RAD50: variants seen among roughly 807,000 people sequenced by gnomAD.
RAD50 encodes the protein RAD50 double strand break repair protein.
A neutral mutation model predicts 168.8 loss-of-function variants in RAD50; 132 were observed. That is an observed-to-expected ratio of 0.78 (90% CI 0.68 to 0.90). The LOEUF (loss-of-function observed/expected upper bound fraction) is 0.90, where lower values mean the gene tolerates loss of function less well. Among genes scored for constraint, RAD50 ranks in the 40% least tolerant of loss-of-function variants. RAD50 has a pLI of 0.00. For synonymous variants in RAD50, 525 were observed against 497.4 expected (o/e 1.06, Z -0.74); for missense variants, 1,347 against 1,534.4 (o/e 0.88, Z 2.04).
intron 5 of RAD50, among the ~76,000 whole-genome samples, chr5:132,583,690 C>CTTT (rs35842753): frequency 6.0e-5 from 7 of 117,628 alleles, no homozygotes; most frequent in African/African-American, 1.4e-4. Flanking sequence ...TAATTCATTC[C>CTTT]TTTTTTTTTT....
At chr5:132,585,360 C>T (rs544022827) in intron 5 of RAD50, among the ~76,000 whole-genome samples, 1 of 152,144 alleles carries the variant, frequency 6.6e-6, no homozygotes, top group South Asian at 2.1e-4. Context: ...TCATTTTAGC[C>T]ATAACAGTAG....
At chr5:132,595,873 T>C in intron 13 of RAD50, 63 bp downstream of exon 13, 1 of 1,450,800 alleles carries the variant, frequency 6.9e-7, no homozygotes, top group South Asian at 1.1e-5. Flanking sequence ...ACCCATCTCA[T>C]GCCTGGGCAG....
At chr5:132,561,106 C>T (rs1580977206) in intron 2 of RAD50, among the ~76,000 whole-genome samples, 2 of 152,134 alleles carry the variant, frequency 1.3e-5, no homozygotes, top group African/African-American at 4.8e-5. Flanking sequence ...AAATATATTT[C>T]CTTCTTGGCT....
intron 16 of RAD50, among the ~76,000 whole-genome samples, chr5:132,607,292 A>G (rs1051305363): frequency 2.0e-5 from 3 of 152,178 alleles, no homozygotes; most frequent in African/African-American, 7.2e-5. Context: ...TCCTTTATCT[A>G]TGGCGGTCAC....
chr5:132,587,804 C>T, intron 6 of RAD50, 114 bp downstream of exon 6: 1 of 1,542,808 alleles, frequency 6.5e-7, no homozygotes, highest in Non-Finnish European at 8.9e-7. Context: ...GATCTTGTTA[C>T]TTCTATGTAT....
At chr5:132,625,908 T>TC (rs1393984800) in intron 21 of RAD50, among the ~76,000 whole-genome samples, 1 of 152,124 alleles carries the variant, frequency 6.6e-6, no homozygotes, top group East Asian at 1.9e-4. Context: ...GAACAACTTT[T>TC]TTTTTTTTTT....
intron 2 of RAD50, among the ~76,000 whole-genome samples, chr5:132,562,984 A>G (rs1408425089): frequency 6.6e-6 from 1 of 152,224 alleles, no homozygotes; most frequent in Non-Finnish European, 1.5e-5. Context: ...AGCTCAAGAA[A>G]GAAGAGGAGT....
intron 13 of RAD50, among the ~76,000 whole-genome samples, chr5:132,602,197 T>G (rs1167178243): frequency 6.6e-6 from 1 of 152,206 alleles, no homozygotes; most frequent in Non-Finnish European, 1.5e-5. Flanking sequence ...TGGCATTTCT[T>G]GGTCATAGTT....
chr5:132,585,523 A>G (rs1236196898), intron 5 of RAD50, among the ~76,000 whole-genome samples: 2 of 151,784 alleles, frequency 1.3e-5, no homozygotes, highest in African/African-American at 2.4e-5. Context: ...AGTAAAATAT[A>G]AAAGTCTTTT....
Position 132,646,296 on chromosome 5 carries a change from C to T in RAD50, c.*3932C>T, listed in dbSNP as rs1033762112. ...ATTCAGCTGCCTGTGGATAACTGGG[C>T]ATCTATCTGCACTTGAATATCTAAT... On this transcript the variant is annotated 3_prime_UTR_variant, in exon 25 of 25. Coordinates refer to ENST00000378823, the MANE Select transcript of RAD50 (RefSeq NM_005732.4). 6.6e-6 allele frequency: 1 copy of T among 152,270 alleles called. No homozygotes were observed. 9.4% of individuals were successfully genotyped at this position (152,270 alleles called of 1,614,324 possible).
intron 12 of RAD50, 44 bp downstream of exon 12, chr5:132,595,088 G>C: frequency 6.4e-7 from 1 of 1,554,856 alleles, no homozygotes; most frequent in Non-Finnish European, 8.8e-7. Context: ...TGACACCTTT[G>C]AATTTTCATT....
chr5:132,643,150 A>T lies in RAD50; in HGVS notation c.*786A>T, dbSNP rs755978320. ...CTCCTCTGCGTCTATCCTGTGTAGC[A>T]TACTGGCTTCACCATCAATCCTGAT... is the stretch of plus-strand genomic sequence containing the variant. On this transcript the variant is annotated 3_prime_UTR_variant, in exon 25 of 25. Coordinates refer to ENST00000378823, the MANE Select transcript of RAD50 (RefSeq NM_005732.4). 5 of 480,074 alleles carry T rather than the reference A, an allele frequency of 1.0e-5. No homozygotes were observed. In the Admixed American group the frequency reaches 1.2e-4, roughly 11 times the overall value. The allele number at this position is 480,074 out of a possible 1,614,324, so 29.7% of individuals were successfully genotyped here. A position where few individuals can be genotyped will look rare whatever the true frequency, so the allele number is the denominator to read the frequency against.
chr5:132,624,387 T>A (rs1751335955), intron 21 of RAD50, among the ~76,000 whole-genome samples: 1 of 152,226 alleles, frequency 6.6e-6, no homozygotes, highest in South Asian at 2.1e-4. Flanking sequence ...TTTTTGGTTT[T>A]TTTTGCCTTT....
chr5:132,625,049 G>T (rs1212679192), intron 21 of RAD50, among the ~76,000 whole-genome samples: 1 of 151,626 alleles, frequency 6.6e-6, no homozygotes, highest in East Asian at 1.9e-4. Flanking sequence ...ATGGTTAAAA[G>T]TGCTGTCTCT....
At chr5:132,580,092 C>T (rs368346044) in intron 5 of RAD50, 26 bp downstream of exon 5, 1 of 1,542,862 alleles carries the variant, frequency 6.5e-7, no homozygotes, top group Non-Finnish European at 9.0e-7. Flanking sequence ...TTTTAATTGA[C>T]AAAAATTGTA....
Position 132,616,134 on chromosome 5 carries a change from T to C in RAD50, c.3164+4T>C, listed in dbSNP as rs878854796. On this transcript the variant is annotated splice_donor_region_variant and intron_variant, in intron 20 of 24. Coordinates refer to ENST00000378823, the MANE Select transcript of RAD50 (RefSeq NM_005732.4). ...TGCAGGTTTTGCAAATGAAAAGGTA[T>C]GCTTTTAAAATAATCTTCAGTTTAA... 3 of 1,611,362 alleles carry C rather than the reference T, an allele frequency of 1.9e-6. No homozygotes were observed. The African/African-American group carries it at 4.0e-5, about 22-fold the overall frequency.
In RAD50 at chr5:132,569,352, G is replaced by T. The variant is rs1182712607; in HGVS notation, c.214-6425G>T. 3.9e-5 allele frequency among the ~76,000 whole-genome samples: 6 copies of T among 152,166 alleles called. No individual in the cohort carries two copies. The East Asian group carries it at 1.2e-3, about 29-fold the overall frequency. ...AATATACTGTGCCAGCTAATGAAAA[G>T]AAAGCTGAAGTGACCATATTAATAC... On this transcript the variant is annotated intron_variant, in intron 2 of 24. Transcript: ENST00000378823.
chr5:132,612,731 G>C (rs1751108423), intron 19 of RAD50, among the ~76,000 whole-genome samples: 1 of 152,076 alleles, frequency 6.6e-6, no homozygotes, highest in Admixed American at 6.5e-5. Context: ...AGGAGGCTGA[G>C]GTGGGAGGAT....
intron 12 of RAD50, 40 bp downstream of exon 12, chr5:132,595,084 C>T (rs759233441): frequency 6.4e-7 from 1 of 1,565,630 alleles, no homozygotes; most frequent in South Asian, 1.1e-5. Flanking sequence ...ACTTTGACAC[C>T]TTTGAATTTT....
Sources: allele counts gnomAD v4.1 joint callset (sites outside exome capture counted in the v4.1 genomes callset), GRCh38; gene constraint gnomAD v4.1.1; transcripts MANE v1.5; gene names NCBI Gene and HGNC (gene_info 2026-07-23, HGNC 2026-07-21).